Variants in SORBS2 observed in about 807,000 individuals in gnomAD.
The protein encoded by SORBS2 is sorbin and SH3 domain-containing protein 2.
In SORBS2, 46 loss-of-function variants were observed where a neutral mutation model predicts 97.7. That is an observed-to-expected ratio of 0.47 (90% CI 0.37 to 0.60). The LOEUF is 0.60. Ranked by LOEUF, SORBS2 falls within the 20% of genes least tolerant of loss-of-function variation. The pLI, the probability that SORBS2 is intolerant of heterozygous loss-of-function variation, is 0.00. For synonymous variants in SORBS2, 476 were observed against 473.4 expected, an observed-to-expected ratio of 1.01 and a Z score of -0.07; for missense variants, 1,316 against 1,282.3, an observed-to-expected ratio of 1.03 and a Z score of -0.40.
At chr4:185,740,804 GCCCAGCACTAACTCAA>G (rs1448479374) in intron 2 of SORBS2, among the ~76,000 whole-genome samples, 6 of 150,444 alleles carry the variant, frequency 4.0e-5, no homozygotes, top group Non-Finnish European at 7.4e-5. Flanking sequence ...CACCAACTCA[GCCCAGCACTAACTCAA>G]CCCAGCACTA....
chr4:185,710,981 T>G (rs901878010), intron 2 of SORBS2, among the ~76,000 whole-genome samples: 5 of 143,864 alleles, frequency 3.5e-5, no homozygotes, highest in African/African-American at 1.2e-4. Context: ...ATTTTTTATT[T>G]TTTTTAGAGA....
At chr4:185,628,369 A>G (rs6845565) in intron 5 of SORBS2, among the ~76,000 whole-genome samples, 58,454 of 151,034 alleles carry the variant, frequency 0.39, 11,434 homozygotes, top group South Asian at 0.52. Flanking sequence ...AATCTCTCTC[A>G]CCTCAAGGGT....
intron 1 of SORBS2, among the ~76,000 whole-genome samples, chr4:185,896,182 G>GA (rs1186384341): frequency 6.6e-6 from 1 of 152,208 alleles, no homozygotes; most frequent in African/African-American, 2.4e-5. Context: ...AAATAGGTAG[G>GA]AAAGACAGAC....
intron 1 of SORBS2, among the ~76,000 whole-genome samples, chr4:185,792,903 A>G (rs1168056607): frequency 6.6e-6 from 1 of 152,204 alleles, no homozygotes; most frequent in South Asian, 2.1e-4. Flanking sequence ...CTTTCCCCAC[A>G]TGTGTGACCC....
chr4:185,743,965 CCTTCTT>C (rs1206098484), intron 2 of SORBS2, among the ~76,000 whole-genome samples: 2 of 145,414 alleles, frequency 1.4e-5, no homozygotes, highest in African/African-American at 2.6e-5. Context: ...TTCTCCTTCT[CCTTCTT>C]CTTCCTCCCC....
intron 4 of SORBS2, among the ~76,000 whole-genome samples, chr4:185,634,134 T>C (rs907745486): frequency 6.6e-6 from 1 of 152,188 alleles, no homozygotes; most frequent in Admixed American, 6.5e-5. Context: ...TTATTTAATA[T>C]ATAAATATTT....
chr4:185,626,088 C>T (rs2096806383), intron 6 of SORBS2, among the ~76,000 whole-genome samples: 1 of 151,496 alleles, frequency 6.6e-6, no homozygotes, highest in Non-Finnish European at 1.5e-5. Flanking sequence ...ATATTCCTGT[C>T]CTCAAGGAAT....
intron 1 of SORBS2, among the ~76,000 whole-genome samples, chr4:185,920,108 T>C (rs764539018): frequency 6.6e-6 from 1 of 152,204 alleles, no homozygotes; most frequent in Non-Finnish European, 1.5e-5. Context: ...TTCAAAATAG[T>C]GGTACACAAA....
chr4:185,595,447 G>A (rs62344732), intron 12 of SORBS2, among the ~76,000 whole-genome samples: 1 of 151,984 alleles, frequency 6.6e-6, no homozygotes, highest in African/African-American at 2.4e-5. Flanking sequence ...TTTAATTCAA[G>A]ATATTATTAA....
At chr4:185,801,460 C>T (rs2099129960) in intron 1 of SORBS2, among the ~76,000 whole-genome samples, 1 of 152,206 alleles carries the variant, frequency 6.6e-6, no homozygotes, top group Admixed American at 6.5e-5. Flanking sequence ...TCCCTTTTCT[C>T]CACATCCTCA....
chr4:185,710,604 C>G (rs925865340), intron 2 of SORBS2, among the ~76,000 whole-genome samples: 1 of 152,200 alleles, frequency 6.6e-6, no homozygotes. Context: ...GTGTTATGGT[C>G]ATTAGATTCT....
At chr4:185,749,196 A>C (rs143548721) in intron 2 of SORBS2, among the ~76,000 whole-genome samples, 30 of 152,262 alleles carry the variant, frequency 2.0e-4, no homozygotes, top group African/African-American at 6.7e-4. Context: ...GCCATCTGGG[A>C]GGGAGACAGG....
intron 1 of SORBS2, among the ~76,000 whole-genome samples, chr4:185,923,177 C>G (rs897018614): frequency 6.6e-6 from 1 of 152,160 alleles, no homozygotes; most frequent in Non-Finnish European, 1.5e-5. Flanking sequence ...TGTCTTGTCC[C>G]ATCTTCTTCT....
Position 185,832,740 on chromosome 4 carries a change from C to G in SORBS2, c.-337-57374G>C, listed in dbSNP as rs186656792. Among the ~76,000 whole-genome samples, 483 of 152,266 alleles carry G rather than the reference C, an allele frequency of 3.2e-3. 5 individuals carry two copies. Among genetic ancestry groups the G allele is most frequent in the Non-Finnish European group, 4.5e-3 (307 of 68,016 alleles). The stretch of plus-strand genomic sequence containing the variant: ...TTTGGTTACCAGCAGTCTATGAAAC[C>G]TTCCTTGTAATAATTCAATTTGCTC... On this transcript the variant is annotated intron_variant, in intron 1 of 20. Coordinates refer to the SORBS2 transcript ENST00000284776.
intron 5 of SORBS2, among the ~76,000 whole-genome samples, chr4:185,630,284 G>T (rs547782247): frequency 1.3e-5 from 2 of 152,086 alleles, no homozygotes; most frequent in Non-Finnish European, 2.9e-5. Context: ...CTAAAGAAAA[G>T]AAAACTGGGT....
chr4:185,770,130 G>A (rs62334854), intron 2 of SORBS2, among the ~76,000 whole-genome samples: 27,853 of 150,542 alleles, frequency 0.19, 2,743 homozygotes, highest in Middle Eastern at 0.27. Flanking sequence ...CCAGGCTAGA[G>A]TGCAGTGGCA....
intron 4 of SORBS2, chr4:185,677,492 T>C (rs1185264682): frequency 1.3e-6 from 2 of 1,551,868 alleles, no homozygotes. Context: ...AATACATAGT[T>C]CCCTGAAGAG....
At chr4:185,868,200 A>G (rs1460667228) in intron 1 of SORBS2, among the ~76,000 whole-genome samples, 2 of 119,610 alleles carry the variant, frequency 1.7e-5, no homozygotes, top group Non-Finnish European at 3.2e-5. Flanking sequence ...TCTGTCACCC[A>G]GGCTGGAGTG....
chr4:185,599,600 G>T (rs544887055), intron 12 of SORBS2, among the ~76,000 whole-genome samples: 1 of 152,328 alleles, frequency 6.6e-6, no homozygotes, highest in East Asian at 1.9e-4. Context: ...ATGACCGGAA[G>T]TGTGTGAGTT....
Sources: allele counts gnomAD v4.1 joint callset (sites outside exome capture counted in the v4.1 genomes callset), GRCh38; gene constraint gnomAD v4.1.1; transcripts MANE v1.5; gene names NCBI Gene and HGNC (gene_info 2026-07-23, HGNC 2026-07-21).